Variants in FHIT observed in about 807,000 individuals in gnomAD.
The protein encoded by FHIT is fragile histidine triad diadenosine triphosphatase.
FHIT carries 19 observed loss-of-function variants against 17.9 expected under a neutral mutation model. The ratio of observed to expected loss-of-function variants is 1.06; its 90% confidence interval spans 0.74 to 1.56. The LOEUF is 1.56. FHIT is among the 40% of genes most tolerant of loss of function. FHIT has a pLI of 0.00. For synonymous variants in FHIT, 81 were observed against 69.7 expected, an observed-to-expected ratio of 1.16 and a Z score of -0.81; for missense variants, 248 against 189.2, an observed-to-expected ratio of 1.31 and a Z score of -1.82.
chr3:60,431,326 T>C (rs1702893247), intron 5 of FHIT, among the ~76,000 whole-genome samples: 1 of 152,114 alleles, frequency 6.6e-6, no homozygotes, highest in African/African-American at 2.4e-5. Context: ...ATTTAAGTTT[T>C]CTTTACAAAC....
chr3:60,765,876 C>G (rs1353259763), intron 4 of FHIT, among the ~76,000 whole-genome samples: 5 of 152,152 alleles, frequency 3.3e-5, no homozygotes, highest in South Asian at 2.1e-4. Context: ...CCTTCTTTCT[C>G]CCATGCTGGA....
At chr3:60,116,310 GT>G (rs1175088163) in intron 5 of FHIT, among the ~76,000 whole-genome samples, 8 of 152,132 alleles carry the variant, frequency 5.3e-5, no homozygotes, top group African/African-American at 1.9e-4. Context: ...GGAAAAGGTG[GT>G]GTGTAACTTT....
At chr3:59,989,254 G>C (rs1375754865) in intron 7 of FHIT, among the ~76,000 whole-genome samples, 1 of 151,990 alleles carries the variant, frequency 6.6e-6, no homozygotes, top group Non-Finnish European at 1.5e-5. Flanking sequence ...TTGAGTTCCT[G>C]GAAACCTTTG....
chr3:61,033,574 T>C (rs1417986354), intron 3 of FHIT, among the ~76,000 whole-genome samples: 1 of 152,204 alleles, frequency 6.6e-6, no homozygotes, highest in Non-Finnish European at 1.5e-5. Flanking sequence ...AAATGTAAAA[T>C]TACATATGGG....
intron 4 of FHIT, among the ~76,000 whole-genome samples, chr3:60,820,373 A>C (rs1575564457): frequency 6.6e-6 from 1 of 152,162 alleles, no homozygotes; most frequent in South Asian, 2.1e-4. Flanking sequence ...TCAAATAATT[A>C]TATGTAAAGG....
intron 7 of FHIT, among the ~76,000 whole-genome samples, chr3:59,986,060 T>C (rs1708885912): frequency 6.6e-6 from 1 of 152,006 alleles, no homozygotes; most frequent in Admixed American, 6.6e-5. Flanking sequence ...TCTGCACATG[T>C]CAAGGAATAC....
At chr3:60,309,451 G>A (rs533261448) in intron 5 of FHIT, among the ~76,000 whole-genome samples, 1 of 152,076 alleles carries the variant, frequency 6.6e-6, no homozygotes, top group African/African-American at 2.4e-5. Context: ...ATACACTGCA[G>A]AATGATTATG....
At chr3:60,060,729 C>T (rs1047732444) in intron 5 of FHIT, among the ~76,000 whole-genome samples, 1 of 152,118 alleles carries the variant, frequency 6.6e-6, no homozygotes, top group African/African-American at 2.4e-5. Flanking sequence ...CTTTTCTCCC[C>T]CAGTGTGATA....
chr3:60,170,915 C>A (rs1272849425), intron 5 of FHIT, among the ~76,000 whole-genome samples: 1 of 152,074 alleles, frequency 6.6e-6, no homozygotes, highest in Non-Finnish European at 1.5e-5. Flanking sequence ...ACAAGGCATG[C>A]AATCTCAAAT....
intron 7 of FHIT, among the ~76,000 whole-genome samples, chr3:59,999,725 A>G (rs1296625715): frequency 1.3e-5 from 2 of 152,088 alleles, no homozygotes; most frequent in South Asian, 2.1e-4. Context: ...CTTGTGCCTC[A>G]GCCTCCCAAG....
At chr3:60,744,177 C>G (rs1274491810) in intron 4 of FHIT, among the ~76,000 whole-genome samples, 3 of 146,578 alleles carry the variant, frequency 2.0e-5, no homozygotes, top group African/African-American at 7.6e-5. Context: ...CCACAGCAGT[C>G]TACTGACGAA....
chr3:61,153,284 C>T (rs1053840667), intron 2 of FHIT, among the ~76,000 whole-genome samples: 3 of 152,098 alleles, frequency 2.0e-5, no homozygotes, highest in Non-Finnish European at 4.4e-5. Flanking sequence ...TTAATGATAG[C>T]TTGGCTGATA....
intron 3 of FHIT, among the ~76,000 whole-genome samples, chr3:61,013,650 G>A (rs1252400401): frequency 2.6e-5 from 4 of 152,160 alleles, no homozygotes; most frequent in African/African-American, 9.7e-5. Flanking sequence ...AAGAGGAGGT[G>A]ATGAAATGCC....
intron 3 of FHIT, among the ~76,000 whole-genome samples, chr3:60,967,944 G>A (rs531564517): frequency 1.8e-4 from 28 of 152,132 alleles, no homozygotes; most frequent in African/African-American, 6.5e-4. Flanking sequence ...TTCAACTGTA[G>A]GTAAATAAAA....
chr3:60,662,229 T>G (rs1464198058), intron 4 of FHIT, among the ~76,000 whole-genome samples: 1 of 152,198 alleles, frequency 6.6e-6, no homozygotes, highest in South Asian at 2.1e-4. Flanking sequence ...AAGTGAGAGA[T>G]GAGGATCCAG....
chr3:60,040,965 G>T (rs1701413887), intron 5 of FHIT, among the ~76,000 whole-genome samples: 1 of 151,998 alleles, frequency 6.6e-6, no homozygotes, highest in South Asian at 2.1e-4. Context: ...CAAACCTGTT[G>T]CTCCCCTAAA....
rs146201873 is a variant in FHIT at position 60,298,439 on chromosome 3, G to A, written c.103+238421C>T. On this transcript the variant is annotated intron_variant, in intron 5 of 9. Coordinates refer to ENST00000492590, the MANE Select transcript of FHIT (RefSeq NM_002012.4). ...CACAAGTTTTAGGAATTGTGCACCCGGAACCAGGGGCAGAGGCCAAATATG... is the reference window on the plus strand; with the variant it reads ...CACAAGTTTTAGGAATTGTGCACCCAGAACCAGGGGCAGAGGCCAAATATG... Among the ~76,000 whole-genome samples the A allele has an allele frequency of 3.6e-3, 542 of 152,194 alleles. 12 individuals are homozygous for A. In the South Asian group the frequency reaches 0.051, roughly 14 times the overall value.
intron 5 of FHIT, among the ~76,000 whole-genome samples, chr3:60,148,767 C>G (rs1160013484): frequency 6.6e-6 from 1 of 152,170 alleles, no homozygotes; most frequent in East Asian, 1.9e-4. Flanking sequence ...ATCCTTTGCT[C>G]AGAAGAGAAA....
intron 5 of FHIT, among the ~76,000 whole-genome samples, chr3:60,115,040 TA>T (rs1436050697): frequency 1.3e-5 from 2 of 152,172 alleles, no homozygotes; most frequent in African/African-American, 2.4e-5. Flanking sequence ...ATATTAAAAT[TA>T]ATCACATGCT....
Sources: allele counts gnomAD v4.1 joint callset (sites outside exome capture counted in the v4.1 genomes callset), GRCh38; gene constraint gnomAD v4.1.1; transcripts MANE v1.5; gene names NCBI Gene and HGNC (gene_info 2026-07-23, HGNC 2026-07-21).